GPM6A: variants seen among roughly 807,000 people sequenced by gnomAD.
GPM6A encodes the protein neuronal membrane glycoprotein M6-a.
In GPM6A, 7 loss-of-function variants were observed where a neutral mutation model predicts 32.1. The observed-to-expected ratio is 0.22, with a 90% CI of 0.12 to 0.41. GPM6A has a LOEUF of 0.41. Among genes scored for constraint, GPM6A ranks in the 10% least tolerant of loss-of-function variants. The probability of loss-of-function intolerance (pLI) is 1.00; values close to 1 mark genes in which losing one functional copy is unlikely to be tolerated. For synonymous variants in GPM6A, 130 were observed against 123.4 expected (o/e 1.05, Z -0.35); for missense variants, 235 against 347.2 (o/e 0.68, Z 2.57).
At chr4:175,764,697 C>G (rs1372558273) in intron 1 of GPM6A, among the ~76,000 whole-genome samples, 2 of 151,904 alleles carry the variant, frequency 1.3e-5, no homozygotes, top group Non-Finnish European at 2.9e-5. Context: ...GAATTGATAG[C>G]CAACTACCTC....
At position 175,654,165 on chromosome 4, in the gene GPM6A, T is replaced by C. The variant is rs894760920; in HGVS notation, c.388-2178A>G. 4.6e-5 allele frequency: 7 copies of C among 152,192 alleles called. No individual in the cohort carries two copies. The East Asian group carries it at 7.7e-4, about 17-fold the overall frequency. 9.4% of individuals were successfully genotyped at this position (152,192 alleles called of 1,614,324 possible). A position where few individuals can be genotyped will look rare whatever the true frequency, so the allele number is the denominator to read the frequency against. ...CATCTTTTGCCATTGGATTCTAATA[T>C]GCAAGAGGTAGAAACCTATCTCTCC... is the stretch of plus-strand genomic sequence containing the variant. On this transcript the variant is annotated intron_variant, in intron 3 of 6. Coordinates refer to ENST00000393658, the MANE Select transcript of GPM6A (RefSeq NM_201591.3).
intron 1 of GPM6A, among the ~76,000 whole-genome samples, chr4:175,959,239 A>T (rs1378759414): frequency 6.6e-6 from 1 of 152,136 alleles, no homozygotes; most frequent in African/African-American, 2.4e-5. Context: ...GGAACTCTCT[A>T]TATTCACATT....
intron 1 of GPM6A, among the ~76,000 whole-genome samples, chr4:175,964,350 A>G (rs994881208): frequency 6.6e-6 from 1 of 152,210 alleles, no homozygotes; most frequent in Non-Finnish European, 1.5e-5. Context: ...AGACAAATAG[A>G]TAAAAGTAAA....
chr4:175,728,768 T>C (rs1731286068), intron 1 of GPM6A, among the ~76,000 whole-genome samples: 1 of 152,224 alleles, frequency 6.6e-6, no homozygotes. Context: ...CCTAGTTATC[T>C]GACAGTTTCC....
chr4:175,645,079 G>A (rs551296320), intron 4 of GPM6A, among the ~76,000 whole-genome samples: 8 of 152,154 alleles, frequency 5.3e-5, no homozygotes, highest in South Asian at 2.1e-4. Context: ...CAGCCTGGGC[G>A]ACAGAGTGAG....
chr4:175,984,981 C>T (rs1740930669), intron 1 of GPM6A, among the ~76,000 whole-genome samples: 1 of 152,142 alleles, frequency 6.6e-6, no homozygotes, highest in South Asian at 2.1e-4. Flanking sequence ...TAGTGCTAAA[C>T]CACAGTTGTA....
chr4:175,767,093 A>T (rs1450863141), intron 1 of GPM6A, among the ~76,000 whole-genome samples: 1 of 152,130 alleles, frequency 6.6e-6, no homozygotes, highest in Non-Finnish European at 1.5e-5. Flanking sequence ...CTGCTCTTTC[A>T]CTTCTTCCAT....
chr4:175,949,079 A>G (rs1300270184), intron 1 of GPM6A, among the ~76,000 whole-genome samples: 5 of 152,040 alleles, frequency 3.3e-5, no homozygotes, highest in Non-Finnish European at 5.9e-5. Flanking sequence ...TAAGAAATCA[A>G]AAAAAGCTCC....
intron 2 of GPM6A, among the ~76,000 whole-genome samples, chr4:175,681,969 G>A (rs550448656): frequency 2.0e-5 from 3 of 152,106 alleles, no homozygotes; most frequent in East Asian, 1.9e-4. Context: ...AGTTTGGAGC[G>A]CTCAGAAGAA....
rs575837340 is a variant in GPM6A, at chr4:175,800,931, G to C, written c.37+11260C>G. On this transcript the variant is annotated intron_variant, in intron 1 of 6. Transcript: ENST00000393658. ...GTTATTCTATCTAAGGAAAAACAAA[G>C]CAAATTTTCCACTTTCAAGATTAAA... The C allele has an allele frequency of 2.3e-4, 45 of 196,452 alleles. No homozygotes were observed. In the South Asian group the frequency reaches 2.6e-3, roughly 11 times the overall value. 12.2% of individuals were successfully genotyped at this position (196,452 alleles called of 1,614,324 possible). A position where few individuals can be genotyped will look rare whatever the true frequency, so the allele number is the denominator to read the frequency against.
intron 1 of GPM6A, among the ~76,000 whole-genome samples, chr4:175,858,446 C>T (rs1182678187): frequency 6.6e-6 from 1 of 151,466 alleles, no homozygotes; most frequent in East Asian, 1.9e-4. Context: ...GCAGGATAAT[C>T]GCTTGAACCC....
chr4:175,792,210 C>G (rs1050868530), intron 1 of GPM6A, among the ~76,000 whole-genome samples: 3 of 152,096 alleles, frequency 2.0e-5, no homozygotes, highest in Non-Finnish European at 4.4e-5. Flanking sequence ...CTGTTTACTG[C>G]TAGTAACATA....
intron 1 of GPM6A, among the ~76,000 whole-genome samples, chr4:175,739,099 C>G (rs4690628): frequency 0.88 from 133,329 of 152,206 alleles, 58,696 homozygotes; most frequent in East Asian, 1. Context: ...TACAGCTGTG[C>G]CTGACAAGGT....
intron 1 of GPM6A, among the ~76,000 whole-genome samples, chr4:175,780,544 A>T (rs763006623): frequency 2.6e-5 from 4 of 152,244 alleles, no homozygotes; most frequent in Non-Finnish European, 5.9e-5. Context: ...TAAATAGCAT[A>T]ACACAGTGCG....
At chr4:175,781,019 T>C (rs909188497) in intron 1 of GPM6A, among the ~76,000 whole-genome samples, 2 of 151,794 alleles carry the variant, frequency 1.3e-5, no homozygotes, top group Admixed American at 1.3e-4. Context: ...AAGGGCAAGG[T>C]ATCAGGAGAG....
At chr4:175,879,991 G>A (rs961037384) in intron 1 of GPM6A, among the ~76,000 whole-genome samples, 5 of 151,938 alleles carry the variant, frequency 3.3e-5, no homozygotes, top group Admixed American at 2.0e-4. Flanking sequence ...TATTGCTTAG[G>A]TTTTCTTCTA....
chr4:175,679,771 A>G (rs933649612), intron 2 of GPM6A, among the ~76,000 whole-genome samples: 2 of 152,124 alleles, frequency 1.3e-5, no homozygotes. Context: ...ACAATAGCTC[A>G]TTATTTTGGT....
chr4:175,678,248 G>A (rs1579374823), intron 2 of GPM6A, among the ~76,000 whole-genome samples: 1 of 152,154 alleles, frequency 6.6e-6, no homozygotes, highest in Non-Finnish European at 1.5e-5. Flanking sequence ...TTATTGAAGT[G>A]AAGAAGGGGT....
chr4:175,772,291 C>T (rs1237199708), intron 1 of GPM6A, among the ~76,000 whole-genome samples: 1 of 152,096 alleles, frequency 6.6e-6, no homozygotes, highest in Non-Finnish European at 1.5e-5. Flanking sequence ...GAGAATGAAT[C>T]CCGAGAACAT....
Sources: allele counts gnomAD v4.1 joint callset (sites outside exome capture counted in the v4.1 genomes callset), GRCh38; gene constraint gnomAD v4.1.1; transcripts MANE v1.5; gene names NCBI Gene and HGNC (gene_info 2026-07-23, HGNC 2026-07-21).